Variants in ACOT6 observed in about 807,000 individuals in gnomAD.
ACOT6 encodes acyl-CoA thioesterase 6.
ACOT6 carries 14 observed loss-of-function variants against 12.3 expected under a neutral mutation model. The observed-to-expected ratio is 1.14, with a 90% CI of 0.75 to 1.78. The LOEUF is 1.78. ACOT6 is among the 40% of genes most tolerant of loss of function. The pLI is 0.00. For missense variants in ACOT6, 523 were observed against 551.8 expected, an observed-to-expected ratio of 0.95 and a Z score of 0.52; for synonymous variants, 218 against 231.3, an observed-to-expected ratio of 0.94 and a Z score of 0.52.
chr14:73,614,032 A>C (rs1404620570), intron 1 of ACOT6, among the ~76,000 whole-genome samples: 3 of 36,090 alleles, frequency 8.3e-5, no homozygotes, highest in East Asian at 7.5e-3. Flanking sequence ...TCTACAAAAA[A>C]AAAAAAAAAA....
chr14:73,612,544 G>A lies in ACOT6; in HGVS notation c.-28G>A. Reference sequence around the variant, plus strand: ...GCCCGCCCACTGACTCCGCGGAGCTGGGTCGCCCCTGTTCTACCCAGATTG... The same window carrying A: ...GCCCGCCCACTGACTCCGCGGAGCTAGGTCGCCCCTGTTCTACCCAGATTG... On this transcript the variant is annotated 5_prime_UTR_variant, in exon 1 of 3. Transcript: ENST00000645972. 1 of 1,276,718 alleles carries A rather than the reference G, an allele frequency of 7.8e-7. No individual in the cohort carries two copies. The allele number at this position is 1,276,718 out of a possible 1,614,324, so 79.1% of individuals were successfully genotyped here.
chr14:73,613,846 A>T (rs1026675960), intron 1 of ACOT6, among the ~76,000 whole-genome samples: 5 of 151,808 alleles, frequency 3.3e-5, no homozygotes, highest in African/African-American at 4.8e-5. Flanking sequence ...CAGAAAGAAG[A>T]CTCCTGATTA....
intron 1 of ACOT6, among the ~76,000 whole-genome samples, chr14:73,615,054 A>T (rs1595185786): frequency 6.9e-6 from 1 of 145,276 alleles, no homozygotes; most frequent in African/African-American, 2.6e-5. Context: ...GCACCGTTGC[A>T]CTCCAGCCTG....
intron 1 of ACOT6, among the ~76,000 whole-genome samples, chr14:73,614,610 A>G (rs1820856913): frequency 6.6e-6 from 1 of 151,590 alleles, no homozygotes; most frequent in Admixed American, 6.6e-5. Flanking sequence ...AGCCAGGCAT[A>G]GTGGCTCACA....
intron 2 of ACOT6, among the ~76,000 whole-genome samples, chr14:73,618,314 C>T (rs138793456): frequency 5.2e-4 from 79 of 152,102 alleles, no homozygotes; most frequent in South Asian, 2.7e-3. Context: ...TCTTGGGATC[C>T]GGCACCCCAG....
intron 2 of ACOT6, 92 bp downstream of exon 2, chr14:73,617,284 G>C (rs1890556989): frequency 1.3e-6 from 2 of 1,539,298 alleles, no homozygotes; most frequent in African/African-American, 2.7e-5. Context: ...CTGAGAACTA[G>C]AAACATGCCA....
chr14:73,615,290 G>A (rs918618891), intron 1 of ACOT6, among the ~76,000 whole-genome samples: 1 of 150,940 alleles, frequency 6.6e-6, no homozygotes, highest in Non-Finnish European at 1.5e-5. Flanking sequence ...AGGAGGCTGA[G>A]GCAGGAGAAT....
At chr14:73,619,199 T>C (rs760188991) in intron 2 of ACOT6, 35 bp from the exon 3 acceptor site, 1 of 1,525,616 alleles carries the variant, frequency 6.6e-7, no homozygotes, top group Non-Finnish European at 8.8e-7. Flanking sequence ...ATTTATGAAT[T>C]CTAAGCTTGT....
At chr14:73,616,823 A>G (rs577768875) in intron 1 of ACOT6, 171 bp from the exon 2 acceptor site, 60 of 545,986 alleles carry the variant, frequency 1.1e-4, no homozygotes, top group African/African-American at 1.1e-3. Flanking sequence ...ATTGTACCCA[A>G]TATGTAGTTT....
chr14:73,616,973 T>C, intron 1 of ACOT6, 21 bp from the exon 2 acceptor site: 1 of 644,878 alleles, frequency 1.6e-6, no homozygotes. Context: ...CTCCCTGTGA[T>C]TTGTGATGTT....
rs568315877 is a variant in ACOT6 at position 73,613,911 on chromosome 14, C to T, written c.461+879C>T. On this transcript the variant is annotated intron_variant, in intron 1 of 2. Transcript: ENST00000645972. ...CCTCTACCATATAAAAATGATGAGC[C>T]GGGCACAGTGGCTCAGGCCTGTAAT... 1.1e-4 allele frequency among the ~76,000 whole-genome samples: 17 copies of T among 151,294 alleles called. No homozygotes were observed. The South Asian group carries it at 3.6e-3, about 32-fold the overall frequency.
upstream of ACOT6, among the ~76,000 whole-genome samples, chr14:73,612,224 G>A (rs950574628): frequency 1.3e-5 from 2 of 152,036 alleles, no homozygotes; most frequent in Non-Finnish European, 2.9e-5. Flanking sequence ...ATTTTCAGTA[G>A]AGATGAGGTT....
intron 2 of ACOT6, among the ~76,000 whole-genome samples, chr14:73,617,835 A>G (rs1279061481): frequency 6.6e-6 from 1 of 152,158 alleles, no homozygotes; most frequent in Non-Finnish European, 1.5e-5. Context: ...ATCTGATAAC[A>G]GAAATAATTA....
At position 73,612,826 on chromosome 14, in the gene ACOT6, G is replaced by T; in HGVS notation, c.255G>T (p.Glu85Asp). The change falls in exon 1 of 3, where the codon GAG (glutamate) becomes GAT (aspartate). Residue 85 changes from glutamate to aspartate, a missense_variant. Glu to Asp is a conservative substitution (Grantham distance 45). Coordinates refer to ENST00000645972, the MANE Select transcript of ACOT6 (RefSeq NM_001365788.1). ...CCATGGGGCTGCTGTGGGCGTTGGAGCCCGAGAAAGCCTTGGTGCGGCTGG... is the reference window on the plus strand; with the variant it reads ...CCATGGGGCTGCTGTGGGCGTTGGATCCCGAGAAAGCCTTGGTGCGGCTGG... Reference protein sequence around the residue: ...LQPMGLLWALEPEKALVRLVK... With the variant: ...LQPMGLLWALDPEKALVRLVK... The T allele has an allele frequency of 7.0e-7, 1 of 1,422,026 alleles. No homozygotes were observed. The highest frequency in any genetic ancestry group is 9.3e-7 in the Non-Finnish European group (1 of 1,072,144). 88.1% of individuals were successfully genotyped at this position (1,422,026 alleles called of 1,614,324 possible). A position where few individuals can be genotyped will look rare whatever the true frequency, so the allele number is the denominator to read the frequency against.
upstream of ACOT6, chr14:73,611,593 G>A (rs1446194126): frequency 6.6e-6 from 1 of 152,212 alleles, no homozygotes; most frequent in Non-Finnish European, 1.5e-5. Flanking sequence ...GATTAGATTT[G>A]TGAGGTAAGA....
At chr14:73,615,043 C>T (rs1291118820) in intron 1 of ACOT6, among the ~76,000 whole-genome samples, 12 of 142,930 alleles carry the variant, frequency 8.4e-5, no homozygotes, top group Non-Finnish European at 1.5e-4. Flanking sequence ...GAGCCAAGAT[C>T]GCACCGTTGC....
Position 73,612,674 on chromosome 14 carries a change from C to A in ACOT6, c.103C>A (p.Arg35Ser). 7.1e-7 allele frequency: 1 copy of A among 1,411,242 alleles called. No individual in the cohort carries two copies. The highest frequency in any genetic ancestry group is 9.2e-7 in the Non-Finnish European group (1 of 1,086,440). The allele number at this position is 1,411,242 out of a possible 1,614,324, so 87.4% of individuals were successfully genotyped here. Residue 35 changes from arginine (R) to serine (S), a missense_variant, in exon 1 of 3, where the codon CGC (arginine) becomes AGC (serine). By Grantham distance (110) the Arg-to-Ser change is moderately radical (BLOSUM62 -1). Coordinates refer to ENST00000645972, the MANE Select transcript of ACOT6 (RefSeq NM_001365788.1). ...GLAPEQPVTL[R>S]TSLRDEEGAL... ...GGCCCCGGAGCAGCCAGTCACGCTG[C>A]GCACGTCCCTGCGCGACGAAGAGGG...
chr14:73,615,167 C>G (rs1244419062), intron 1 of ACOT6, among the ~76,000 whole-genome samples: 32 of 151,008 alleles, frequency 2.1e-4, no homozygotes, highest in African/African-American at 7.8e-4. Context: ...GTGGGTGGAT[C>G]ACGAGGTCAG....
In ACOT6 at chr14:73,612,885, A is replaced by T; in HGVS notation, c.314A>T (p.Glu105Val). 1 of 1,392,342 alleles carries T rather than the reference A, an allele frequency of 7.2e-7. No homozygotes were observed. Among genetic ancestry groups the T allele is most frequent in the Non-Finnish European group, 9.6e-7 (1 of 1,042,174 alleles). 86.2% of individuals were successfully genotyped at this position (1,392,342 alleles called of 1,614,324 possible). A position where few individuals can be genotyped will look rare whatever the true frequency, so the allele number is the denominator to read the frequency against. The change falls in exon 1 of 3, where the codon GAG becomes GTG. Residue 105 changes from glutamate to valine, a missense_variant. This residue lies in a region of ACOT6 where 304 missense variants were observed against 274.8 expected (regional missense o/e 1.11). Transcript: ENST00000645972. ...KRDVRTPFAV[E>V]LEVLDGHDTE... is the part of the protein sequence containing the mutation. Reference sequence around the variant, plus strand: ...GACGTGCGGACGCCCTTCGCCGTGGAGCTGGAAGTGCTGGACGGCCACGAC... The same window carrying T: ...GACGTGCGGACGCCCTTCGCCGTGGTGCTGGAAGTGCTGGACGGCCACGAC...
Sources: allele counts gnomAD v4.1 joint callset (sites outside exome capture counted in the v4.1 genomes callset), GRCh38; gene constraint gnomAD v4.1.1; regional missense constraint gnomAD v4.1.1; transcripts MANE v1.5; gene names NCBI Gene and HGNC (gene_info 2026-07-23, HGNC 2026-07-21).